The following IFFO1 variants were observed in gnomAD, a reference collection of about 807,000 sequenced individuals.
IFFO1 encodes the protein non-homologous end joining factor IFFO1.
IFFO1 carries 42 observed loss-of-function variants against 59.6 expected under a neutral mutation model. The ratio of observed to expected loss-of-function variants is 0.70; its 90% CI spans 0.55 to 0.91. The LOEUF (loss-of-function observed/expected upper bound fraction) is 0.91. IFFO1 is among the 40% of genes least tolerant of loss of function. The pLI is 0.00. For missense variants in IFFO1, 711 were observed against 793.2 expected (o/e 0.90, Z 1.24); for synonymous variants, 336 against 342.8 (o/e 0.98, Z 0.22).
rs1280626591 is a variant in IFFO1 at position 6,540,133 on chromosome 12, G to A, written c.*350C>T. 2.7e-6 allele frequency: 1 copy of A among 375,790 alleles called. No individual in the cohort carries two copies. Among genetic ancestry groups the A allele is most frequent in the Non-Finnish European group, 4.9e-6 (1 of 202,128 alleles). The allele number at this position is 375,790 out of a possible 1,614,324, so 23.3% of individuals were successfully genotyped here. Reference sequence around the variant, plus strand: ...GAGCTGGCTCCGGACAACAGGGATGGAGGAAAGGTCCCACATTCACATTCC... The same window carrying A: ...GAGCTGGCTCCGGACAACAGGGATGAAGGAAAGGTCCCACATTCACATTCC... On this transcript the variant is annotated 3_prime_UTR_variant, in exon 10 of 10. Transcript: ENST00000619571.
rs34135055 is a variant in IFFO1, at chr12:6,541,021, CAAAAAAA to C, written c.1611-440_1611-434del. ...CTGGGAGGCGGAGGTTGTAGTGAGC[CAAAAAAA>C]AAAAAAAAAGAAATAGCTGAAGTCA... is the stretch of plus-strand genomic sequence containing the variant. On this transcript the variant is annotated intron_variant, in intron 9 of 9. Transcript: ENST00000619571. The surrounding 1 kb of genome is among the most constrained non-coding windows in gnomAD (Gnocchi z 4.8). 7.5e-6 allele frequency among the ~76,000 whole-genome samples: 1 copy of C among 133,114 alleles called. No individual in the cohort carries two copies. Among genetic ancestry groups the C allele is most frequent in the Non-Finnish European group, 1.6e-5 (1 of 62,228 alleles). The allele number at this position is 133,114 out of a possible 152,430, so 87.3% of individuals were successfully genotyped here. A position where few individuals can be genotyped will look rare whatever the true frequency, so the allele number is the denominator to read the frequency against.
Position 6,548,868 on chromosome 12 carries a change from G to A in IFFO1, c.1081-19C>T, listed in dbSNP as rs1345586749. 2.5e-6 allele frequency: 4 copies of A among 1,592,000 alleles called. No homozygotes were observed. The African/African-American group carries it at 4.0e-5, about 16-fold the overall frequency. On this transcript the variant is annotated intron_variant, in intron 5 of 9. Coordinates refer to ENST00000619571, the MANE Select transcript of IFFO1 (RefSeq NM_001193457.2). The surrounding 1 kb of genome is among the most constrained non-coding windows in gnomAD (Gnocchi z 6.1). ...GCAGAGACTACAGAGACGAGGCCGG[G>A]TGCATGAGGAGAAAGGGCGGGAGCG... is the stretch of plus-strand genomic sequence containing the variant.
At position 6,540,339 on chromosome 12, in the gene IFFO1, G is replaced by A. The variant is rs989453283; in HGVS notation, c.*144C>T. 4 of 704,392 alleles carry A rather than the reference G, an allele frequency of 5.7e-6. No homozygotes were observed. The highest frequency in any genetic ancestry group is 1.6e-5 in the South Asian group (1 of 63,382). The allele number at this position is 704,392 out of a possible 1,614,324, so 43.6% of individuals were successfully genotyped here. Reference sequence around the variant, plus strand: ...CCCTGGAGAAGCCAAGACTGAGGGAGAAAGCCTGAGGGAGGAGCGCCCCAG... The same window carrying A: ...CCCTGGAGAAGCCAAGACTGAGGGAAAAAGCCTGAGGGAGGAGCGCCCCAG... On this transcript the variant is annotated 3_prime_UTR_variant, in exon 10 of 10. Transcript: ENST00000619571.
At chr12:6,542,135 C>T (rs1946747285) in intron 8 of IFFO1, among the ~76,000 whole-genome samples, 1 of 152,228 alleles carries the variant, frequency 6.6e-6, no homozygotes, top group South Asian at 2.1e-4. Flanking sequence ...CCGTGGCATA[C>T]AAGCCTGGCT....
Position 6,548,615 on chromosome 12 carries a change from C to T in IFFO1, c.1262+53G>A. ...CTGGCGGGGGACTGGGGAGCTCCGG[C>T]CTCCTGGGCTGCTGTGGCGTCGGTG... is the stretch of plus-strand genomic sequence containing the variant. On this transcript the variant is annotated intron_variant, in intron 6 of 9. Coordinates refer to ENST00000619571, the MANE Select transcript of IFFO1 (RefSeq NM_001193457.2). The surrounding 1 kb of genome is among the most constrained non-coding windows in gnomAD (Gnocchi z 6.1). 1 of 1,613,738 alleles carries T rather than the reference C, an allele frequency of 6.2e-7. No homozygotes were observed. Among genetic ancestry groups the T allele is most frequent in the Non-Finnish European group, 8.5e-7 (1 of 1,179,776 alleles).
chr12:6,540,377 G>A lies in IFFO1; in HGVS notation c.*106C>T, dbSNP rs978034526. ...AGGAGCGCCCCAGTCCCCAGGGACC[G>A]GCCTGGTGCAGAGCTGCAGCTGATG... On this transcript the variant is annotated 3_prime_UTR_variant, in exon 10 of 10. Transcript: ENST00000619571. The A allele has an allele frequency of 8.5e-6, 8 of 943,798 alleles. No homozygotes were observed. The East Asian group carries it at 9.8e-5, about 12-fold the overall frequency. 58.5% of individuals were successfully genotyped at this position (943,798 alleles called of 1,614,324 possible).
At position 6,540,664 on chromosome 12, in the gene IFFO1, C is replaced by T. The variant is rs1288962686; in HGVS notation, c.1611-76G>A. On this transcript the variant is annotated intron_variant, in intron 9 of 9. Coordinates refer to ENST00000619571, the MANE Select transcript of IFFO1 (RefSeq NM_001193457.2). The stretch of plus-strand genomic sequence containing the variant: ...ACGGACGGCACTCCTCCTCCTGCTG[C>T]CTCACCCTCTGGCAGCCCGTGAGAA... 2.4e-6 allele frequency: 3 copies of T among 1,255,768 alleles called. No homozygotes were observed. The East Asian group carries it at 7.1e-5, about 30-fold the overall frequency. The allele number at this position is 1,255,768 out of a possible 1,614,324, so 77.8% of individuals were successfully genotyped here.
intron 8 of IFFO1, 103 bp downstream of exon 8, chr12:6,547,962 C>G: frequency 1.2e-6 from 1 of 848,188 alleles, no homozygotes; most frequent in Non-Finnish European, 2.0e-6. Flanking sequence ...CTCCCAAGAC[C>G]TTGGTCTCTA....
At chr12:6,550,116 G>C (rs1947168907) in intron 3 of IFFO1, 1 of 501,606 alleles carries the variant, frequency 2.0e-6, no homozygotes, top group African/African-American at 1.9e-5. Flanking sequence ...ACTGCTCCCT[G>C]GCCAAACGGA....
chr12:6,554,714 G>T (rs1947362619), intron 1 of IFFO1, among the ~76,000 whole-genome samples: 1 of 152,182 alleles, frequency 6.6e-6, no homozygotes, highest in African/African-American at 2.4e-5. Flanking sequence ...ACCTACTCAA[G>T]CAATGGCTTG....
In IFFO1 at chr12:6,549,359, G is replaced by C; in HGVS notation, c.1080+117C>G. The C allele has an allele frequency of 1.3e-5, 12 of 926,504 alleles. No individual in the cohort carries two copies. Among genetic ancestry groups the C allele is most frequent in the Middle Eastern group, 4.4e-4 (2 of 4,534 alleles). The allele number at this position is 926,504 out of a possible 1,614,324, so 57.4% of individuals were successfully genotyped here. On this transcript the variant is annotated intron_variant, in intron 5 of 9. Coordinates refer to ENST00000619571, the MANE Select transcript of IFFO1 (RefSeq NM_001193457.2). The surrounding 1 kb of genome is among the most constrained non-coding windows in gnomAD (Gnocchi z 5.0). ...GGGGGAAGAGCAAGGAAAAGGGAAA[G>C]GGCAGAAAAAAATCCGTGCTCAAGA...
chr12:6,540,589 C>G lies in IFFO1; in HGVS notation c.1611-1G>C, dbSNP rs201771320. On this transcript the variant is annotated splice_acceptor_variant, in intron 9 of 9. Transcript: ENST00000619571. LOFTEE classifies it high-confidence loss of function. ...GACCGCAGTGAAAGCAGGAGACTTT[C>G]TAGAAAAAAACACCAGTTGTCAACC... is the stretch of plus-strand genomic sequence containing the variant. 1.9e-6 allele frequency: 3 copies of G among 1,612,594 alleles called. No homozygotes were observed. Among genetic ancestry groups the G allele is most frequent in the East Asian group, 2.2e-5 (1 of 44,866 alleles).
chr12:6,547,324 G>T (rs1947009252), intron 8 of IFFO1, among the ~76,000 whole-genome samples: 1 of 152,054 alleles, frequency 6.6e-6, no homozygotes, highest in Non-Finnish European at 1.5e-5. Flanking sequence ...GAGGTAGGAG[G>T]ATTGCTTGGA....
rs1452995107 is a variant in IFFO1 at position 6,540,078 on chromosome 12, G to C, written c.*405C>G. The C allele has an allele frequency of 3.7e-6, 1 of 270,750 alleles. No individual in the cohort carries two copies. Among genetic ancestry groups the C allele is most frequent in the Non-Finnish European group, 7.2e-6 (1 of 138,240 alleles). The allele number at this position is 270,750 out of a possible 1,614,324, so 16.8% of individuals were successfully genotyped here. On this transcript the variant is annotated 3_prime_UTR_variant, in exon 10 of 10. Transcript: ENST00000619571. The stretch of plus-strand genomic sequence containing the variant: ...TGCATTCTATTCCACTCCAGTGCCT[G>C]GGCCAGTTAGCACCAGTGTGGAAGA...
rs1947141234 is a variant in IFFO1 at position 6,549,553 on chromosome 12, G to A, written c.1072-69C>T. The A allele has an allele frequency of 7.2e-7, 1 of 1,398,376 alleles. No homozygotes were observed. Among genetic ancestry groups the A allele is most frequent in the Non-Finnish European group, 1.0e-6 (1 of 985,028 alleles). 86.6% of individuals were successfully genotyped at this position (1,398,376 alleles called of 1,614,324 possible). A position where few individuals can be genotyped will look rare whatever the true frequency, so the allele number is the denominator to read the frequency against. On this transcript the variant is annotated intron_variant, in intron 4 of 9. Transcript: ENST00000619571. The surrounding 1 kb of genome is among the most constrained non-coding windows in gnomAD (Gnocchi z 5.0). The stretch of plus-strand genomic sequence containing the variant: ...GAAGCAGACAGAGGAGAGAGAGGGG[G>A]AAGGGAGAGACGGCGTTAGAGACAG...
At position 6,548,780 on chromosome 12, in the gene IFFO1, C is replaced by T. The variant is rs761213134; in HGVS notation, c.1150G>A (p.Glu384Lys). Residue 384 changes from glutamate (E) to lysine (K), a missense_variant, in exon 6 of 10, where the codon GAG (glutamate) becomes AAG (lysine). Transcript: ENST00000619571. The surrounding 1 kb of genome is among the most constrained non-coding windows in gnomAD (Gnocchi z 6.1). ...CTCTCCGACAGGGAGGTGTCCTCCT[C>T]GACGGCAGCCTTGCGCTCCCGCTTC... The part of the protein sequence containing the change: ...GRKRERKAAV[E>K]EDTSLSESEG... The T allele has an allele frequency of 1.2e-5, 19 of 1,613,834 alleles. No individual in the cohort carries two copies. Among genetic ancestry groups the T allele is most frequent in the Admixed American group, 1.2e-4 (7 of 60,000 alleles).
In IFFO1 at chr12:6,541,691, G is replaced by A. The variant is rs1334051753; in HGVS notation, c.1480-49C>T. On this transcript the variant is annotated intron_variant, in intron 8 of 9. Coordinates refer to ENST00000619571, the MANE Select transcript of IFFO1 (RefSeq NM_001193457.2). This position sits in a 1 kb window ranked among gnomAD's most constrained non-coding sequence, Gnocchi z 4.8. ...TCGGGGTTAACAGGTGGCGTTCACA[G>A]CGCCTCTGTTGCCCCCGCCAGGAGG... The A allele has an allele frequency of 3.7e-6, 6 of 1,609,480 alleles. No individual in the cohort carries two copies. The highest frequency in any genetic ancestry group is 4.2e-6 in the Non-Finnish European group (5 of 1,178,704).
chr12:6,540,483 C>CT lies in IFFO1; in HGVS notation c.1715dup (p.Ter572=). 3.7e-6 allele frequency: 6 copies of CT among 1,613,068 alleles called. No individual in the cohort carries two copies. The highest frequency in any genetic ancestry group is 5.1e-6 in the Non-Finnish European group (6 of 1,179,090). Residue 572 remains the stop codon, a frameshift_variant and stop_retained_variant, in exon 10 of 10, where the codon TAG becomes TAAG. Coordinates refer to ENST00000619571, the MANE Select transcript of IFFO1 (RefSeq NM_001193457.2). LOFTEE classifies it high-confidence loss of function. ...RDVSSDSSMR[*] The stretch of plus-strand genomic sequence containing the variant: ...TCGGGTGCAAGGGGGAGGCAGGTCT[C>CT]TATCTCATGGAGCTGTCAGATGAGA...
chr12:6,551,353 C>T (rs1462183251), intron 1 of IFFO1: 2 of 1,190,212 alleles, frequency 1.7e-6, no homozygotes, highest in African/African-American at 1.5e-5. Context: ...TTGCCCACCT[C>T]CTGCCCACAC....
Sources: gnomAD v4.1 joint callset for allele counts (sites outside exome capture counted in the v4.1 genomes callset) on GRCh38, gnomAD v4.1.1 for gene constraint, Gnocchi (gnomAD v3.1) non-coding constraint, MANE v1.5 for transcripts, NCBI Gene and HGNC (gene_info 2026-07-23, HGNC 2026-07-21) for gene names.